Variants in LTBP1 observed in about 807,000 individuals in gnomAD.
LTBP1 encodes latent transforming growth factor beta binding protein 1.
A neutral mutation model predicts 207.6 loss-of-function variants in LTBP1; 129 were observed. That is an observed-to-expected ratio of 0.62 (90% CI 0.54 to 0.72). LTBP1 has a LOEUF of 0.72. Among genes scored for constraint, LTBP1 ranks in the 30% least tolerant of loss-of-function variants. LTBP1 has a pLI of 0.00. For synonymous variants in LTBP1, 963 were observed against 833.7 expected, an observed-to-expected ratio of 1.16 and a Z score of -2.67; for missense variants, 2,281 against 2,217.2, an observed-to-expected ratio of 1.03 and a Z score of -0.58.
At chr2:33,108,844 C>G (rs1225374915) in intron 3 of LTBP1, among the ~76,000 whole-genome samples, 1 of 152,198 alleles carries the variant, frequency 6.6e-6, no homozygotes, top group Non-Finnish European at 1.5e-5. Flanking sequence ...ATGTGTCCAG[C>G]TGTTTCACTT....
At chr2:33,313,849 A>G (rs1178713605) in intron 23 of LTBP1, among the ~76,000 whole-genome samples, 1 of 152,232 alleles carries the variant, frequency 6.6e-6, no homozygotes, top group South Asian at 2.1e-4. Flanking sequence ...AGGAGCCATC[A>G]GTGTAATGAG....
intron 2 of LTBP1, among the ~76,000 whole-genome samples, chr2:32,983,344 T>A (rs1683055584): frequency 6.6e-6 from 1 of 152,208 alleles, no homozygotes; most frequent in South Asian, 2.1e-4. Flanking sequence ...AAGTAACTAA[T>A]TTGCTTGTGA....
intron 3 of LTBP1, among the ~76,000 whole-genome samples, chr2:33,036,049 T>G (rs2075902735): frequency 6.6e-6 from 1 of 152,270 alleles, no homozygotes; most frequent in South Asian, 2.1e-4. Flanking sequence ...TTTTTGACTT[T>G]TAAACAAATG....
At chr2:33,036,900 G>A (rs1028209571) in intron 3 of LTBP1, among the ~76,000 whole-genome samples, 6 of 152,214 alleles carry the variant, frequency 3.9e-5, no homozygotes, top group African/African-American at 1.4e-4. Flanking sequence ...AACACACACT[G>A]CTATGTAAAA....
At chr2:33,204,317 C>T (rs1049169855) in intron 7 of LTBP1, among the ~76,000 whole-genome samples, 8 of 152,154 alleles carry the variant, frequency 5.3e-5, no homozygotes, top group African/African-American at 1.2e-4. Context: ...ACTCTAGTGA[C>T]ACTGCCATTG....
intron 5 of LTBP1, among the ~76,000 whole-genome samples, chr2:33,135,999 C>T (rs2082118179): frequency 6.6e-6 from 1 of 152,108 alleles, no homozygotes; most frequent in Non-Finnish European, 1.5e-5. Context: ...GTGTCTGTGT[C>T]AAACTGATTT....
At chr2:33,240,215 C>T (rs192916019) in intron 9 of LTBP1, among the ~76,000 whole-genome samples, 26 of 152,242 alleles carry the variant, frequency 1.7e-4, no homozygotes, top group Non-Finnish European at 3.4e-4. Flanking sequence ...TCACCCATCA[C>T]GTTCCATACA....
At chr2:32,991,896 GA>G (rs1453040551) in intron 2 of LTBP1, among the ~76,000 whole-genome samples, 3 of 152,162 alleles carry the variant, frequency 2.0e-5, no homozygotes, top group Non-Finnish European at 4.4e-5. Context: ...GATTAAAAAT[GA>G]AATTGGTTTT....
chr2:33,051,273 T>A (rs113358112), intron 3 of LTBP1, among the ~76,000 whole-genome samples: 5,947 of 152,178 alleles, frequency 0.039, 203 homozygotes, highest in Non-Finnish European at 0.066. Flanking sequence ...AAAAATTGGC[T>A]GGGTGTGGTG....
At chr2:33,364,417 C>T in intron 30 of LTBP1, 61 bp downstream of exon 30, 1 of 1,510,058 alleles carries the variant, frequency 6.6e-7, no homozygotes, top group Non-Finnish European at 8.9e-7. Flanking sequence ...TTCCTTTTAA[C>T]TAAAATGTGA....
At chr2:33,186,114 A>G (rs984237358) in intron 5 of LTBP1, among the ~76,000 whole-genome samples, 5 of 152,248 alleles carry the variant, frequency 3.3e-5, no homozygotes, top group African/African-American at 1.2e-4. Flanking sequence ...TTGTTACACA[A>G]GATTGCAAAT....
intron 2 of LTBP1, among the ~76,000 whole-genome samples, chr2:32,954,308 G>A (rs1171223785): frequency 6.6e-6 from 1 of 152,152 alleles, no homozygotes; most frequent in Non-Finnish European, 1.5e-5. Flanking sequence ...CCACAAGCTG[G>A]GTGACTTAGA....
rs188813587 is a variant in LTBP1 at position 33,014,001 on chromosome 2, A to C, written c.566-6908A>C. 6.8e-4 allele frequency among the ~76,000 whole-genome samples: 104 copies of C among 152,294 alleles called. 1 individual carries two copies. Among genetic ancestry groups the C allele is most frequent in the African/African-American group, 2.0e-3 (82 of 41,558 alleles). On this transcript the variant is annotated intron_variant, in intron 2 of 33. Transcript: ENST00000404816. ...TTGTTACTCGTAAGATTAGAAAGGC[A>C]AATAGGGTAGGAAAATAGGGTGGAA...
chr2:33,160,836 A>G (rs1220131358), intron 5 of LTBP1, among the ~76,000 whole-genome samples: 1 of 152,194 alleles, frequency 6.6e-6, no homozygotes, highest in Admixed American at 6.5e-5. Context: ...GATGACATCT[A>G]GGCCCAGCAA....
chr2:33,364,913 A>G (rs145920732), intron 30 of LTBP1, among the ~76,000 whole-genome samples: 155 of 152,368 alleles, frequency 1.0e-3, no homozygotes, highest in African/African-American at 3.6e-3. Flanking sequence ...ATGAAGGGTC[A>G]CTAGTCCAGG....
rs146732061 is a variant in LTBP1 at position 33,193,228 on chromosome 2, G to C, written c.1701+4377G>C. Among the ~76,000 whole-genome samples, 215 of 152,254 alleles carry C rather than the reference G, an allele frequency of 1.4e-3. 3 individuals carry two copies. Among genetic ancestry groups the C allele is most frequent in the African/African-American group, 5.0e-3 (207 of 41,566 alleles). ...GAGCAGAGGTGACACTGCAACCTCT[G>C]CCTCCCTGGTTCAAGGGATTCTCCT... On this transcript the variant is annotated intron_variant, in intron 7 of 33. Transcript: ENST00000404816.
chr2:33,163,618 G>C (rs1468320404), intron 5 of LTBP1, among the ~76,000 whole-genome samples: 1 of 152,120 alleles, frequency 6.6e-6, no homozygotes, highest in Non-Finnish European at 1.5e-5. Context: ...ATAGTTAGTT[G>C]CTGGACACCC....
chr2:33,381,917 TA>T (rs1465297942), intron 31 of LTBP1, among the ~76,000 whole-genome samples: 2 of 152,200 alleles, frequency 1.3e-5, no homozygotes, highest in African/African-American at 4.8e-5. Flanking sequence ...CAAAAGGAGC[TA>T]ATTACAATTA....
rs1342256641 is a variant in LTBP1, at chr2:33,273,712, C to G, written c.2674C>G (p.Leu892Val). The G allele has an allele frequency of 1.9e-6, 3 of 1,610,934 alleles. No homozygotes were observed. The highest frequency in any genetic ancestry group is 2.2e-5 in the South Asian group (2 of 90,842). Residue 892 changes from leucine (L) to valine (V), a missense_variant, in exon 16 of 34, where the codon CTA becomes GTA. Coordinates refer to ENST00000404816, the MANE Select transcript of LTBP1 (RefSeq NM_206943.4). Reference protein sequence around the residue: ...DICGAGHCINLPVRYTCICYE... With the variant: ...DICGAGHCINVPVRYTCICYE... ...CTGTGGAGCAGGACACTGCATTAAC[C>G]TACCAGTGAGATATACCTGTATATG...
Sources: allele counts gnomAD v4.1 joint callset (sites outside exome capture counted in the v4.1 genomes callset), GRCh38; gene constraint gnomAD v4.1.1; transcripts MANE v1.5; gene names NCBI Gene and HGNC (gene_info 2026-07-23, HGNC 2026-07-21).